Variants in PRKG1 observed in about 807,000 individuals in gnomAD.
PRKG1 encodes cGMP-dependent protein kinase 1.
Under a neutral mutation model 88.1 loss-of-function variants are expected in PRKG1, and 35 were observed. The ratio of observed to expected loss-of-function variants is 0.40; its 90% CI spans 0.30 to 0.53. The LOEUF (loss-of-function observed/expected upper bound fraction) is 0.53. Among genes scored for constraint, PRKG1 ranks in the 20% least tolerant of loss-of-function variants. The pLI, the probability that PRKG1 is intolerant of heterozygous loss-of-function variation, is 0.59. For missense variants in PRKG1, 540 were observed against 839.8 expected (o/e 0.64, Z 4.41); for synonymous variants, 303 against 292.5 (o/e 1.04, Z -0.37).
At chr10:52,086,841 C>T (rs547686082) in intron 7 of PRKG1, among the ~76,000 whole-genome samples, 44 of 152,180 alleles carry the variant, frequency 2.9e-4, no homozygotes, top group African/African-American at 1.0e-3. Context: ...CTCGCAGTTC[C>T]GCAGGGCTGG....
rs189161745 is a variant in PRKG1 at position 51,065,896 on chromosome 10, T to C, written c.266+74252T>C. 1.7e-3 allele frequency among the ~76,000 whole-genome samples: 258 copies of C among 152,234 alleles called. 1 individual carries two copies. The highest frequency in any genetic ancestry group is 5.5e-3 in the African/African-American group (229 of 41,558). On this transcript the variant is annotated intron_variant, in intron 1 of 17. Transcript: ENST00000401604. ...AGAATGCGTAATATATAATTATGCA[T>C]TGTGATAAAGTGCTTTTAGAAGGGA...
intron 3 of PRKG1, among the ~76,000 whole-genome samples, chr10:51,644,097 T>C (rs1174703602): frequency 6.6e-6 from 1 of 152,214 alleles, no homozygotes; most frequent in Non-Finnish European, 1.5e-5. Flanking sequence ...AATGCCAATA[T>C]CACACCTAAA....
At chr10:51,476,520 A>G (rs1395046107) in intron 3 of PRKG1, among the ~76,000 whole-genome samples, 1 of 152,044 alleles carries the variant, frequency 6.6e-6, no homozygotes, top group African/African-American at 2.4e-5. Flanking sequence ...GCAATACTTT[A>G]TTGACCTGAA....
chr10:51,039,018 G>T (rs945881066), intron 1 of PRKG1, among the ~76,000 whole-genome samples: 90 of 152,278 alleles, frequency 5.9e-4, no homozygotes, highest in African/African-American at 1.9e-3. Context: ...GATGTCAGCT[G>T]GCAATTTACT....
intron 2 of PRKG1, among the ~76,000 whole-genome samples, chr10:51,200,525 C>T (rs555578332): frequency 6.6e-6 from 1 of 152,270 alleles, no homozygotes; most frequent in Non-Finnish European, 1.5e-5. Context: ...GTTATCAGTA[C>T]ATTTATTGTC....
intron 3 of PRKG1, among the ~76,000 whole-genome samples, chr10:51,625,527 G>A (rs558687570): frequency 4.9e-4 from 74 of 152,104 alleles, no homozygotes; most frequent in Middle Eastern, 3.4e-3. Context: ...AAATAAATTC[G>A]TGGCTTACCA....
chr10:51,155,226 T>G (rs113222512), intron 2 of PRKG1, among the ~76,000 whole-genome samples: 5 of 152,068 alleles, frequency 3.3e-5, no homozygotes, highest in Non-Finnish European at 5.9e-5. Flanking sequence ...TGGACATTAT[T>G]TCTAAAATTT....
intron 3 of PRKG1, among the ~76,000 whole-genome samples, chr10:51,564,833 T>C (rs1261099866): frequency 2.0e-5 from 3 of 152,152 alleles, no homozygotes; most frequent in Non-Finnish European, 4.4e-5. Context: ...TGTAACTTTC[T>C]CTCATAATTG....
intron 3 of PRKG1, among the ~76,000 whole-genome samples, chr10:51,724,666 A>G (rs1208714238): frequency 6.6e-6 from 1 of 152,102 alleles, no homozygotes; most frequent in Non-Finnish European, 1.5e-5. Context: ...TTGGGATTAT[A>G]GGCAAGAGCC....
intron 2 of PRKG1, among the ~76,000 whole-genome samples, chr10:51,248,591 C>T (rs1839351882): frequency 6.6e-6 from 1 of 151,696 alleles, no homozygotes; most frequent in Non-Finnish European, 1.5e-5. Context: ...TTAGTTCATT[C>T]TCTTAATTTT....
intron 9 of PRKG1, among the ~76,000 whole-genome samples, chr10:52,166,833 A>G (rs1486751631): frequency 1.5e-4 from 5 of 34,054 alleles, no homozygotes; most frequent in South Asian, 4.9e-4. Context: ...ATATATGTAT[A>G]TATATGTATA....
intron 3 of PRKG1, among the ~76,000 whole-genome samples, chr10:51,729,594 C>T (rs559497637): frequency 1.3e-5 from 2 of 149,754 alleles, no homozygotes; most frequent in Admixed American, 6.7e-5. Context: ...GTAATCCCAG[C>T]TGCTCAGGAG....
intron 2 of PRKG1, among the ~76,000 whole-genome samples, chr10:51,455,298 C>T (rs1263969217): frequency 3.3e-5 from 5 of 152,228 alleles, no homozygotes; most frequent in African/African-American, 1.2e-4. Flanking sequence ...GGCCTCCAGG[C>T]CTGTGATGGG....
At chr10:52,024,314 TAA>T (rs1302312604) in intron 5 of PRKG1, among the ~76,000 whole-genome samples, 126 of 67,454 alleles carry the variant, frequency 1.9e-3, no homozygotes, top group African/African-American at 8.2e-3. Flanking sequence ...TTTATTTATT[TAA>T]CTTTTTTTTT....
At chr10:51,532,641 A>C (rs540371386) in intron 3 of PRKG1, among the ~76,000 whole-genome samples, 1 of 152,328 alleles carries the variant, frequency 6.6e-6, no homozygotes, top group East Asian at 1.9e-4. Context: ...TTGACTTCAC[A>C]AAAACACCAG....
intron 7 of PRKG1, among the ~76,000 whole-genome samples, chr10:52,113,457 G>T (rs1489379070): frequency 6.6e-6 from 1 of 151,870 alleles, no homozygotes; most frequent in Non-Finnish European, 1.5e-5. Flanking sequence ...GTAAGGGAAA[G>T]AAAATATCTG....
chr10:51,652,709 ATATC>A (rs1840069538), intron 3 of PRKG1, among the ~76,000 whole-genome samples: 1 of 152,204 alleles, frequency 6.6e-6, no homozygotes, highest in African/African-American at 2.4e-5. Flanking sequence ...GGTAATTAAC[ATATC>A]TATCATATCT....
chr10:51,242,427 A>C (rs568868229), intron 2 of PRKG1, among the ~76,000 whole-genome samples: 6 of 152,172 alleles, frequency 3.9e-5, no homozygotes, highest in African/African-American at 1.4e-4. Flanking sequence ...TAGTGAGAAG[A>C]AGCTGAAGCC....
chr10:51,971,643 C>G (rs1368722403), intron 5 of PRKG1, among the ~76,000 whole-genome samples: 2 of 152,048 alleles, frequency 1.3e-5, no homozygotes, highest in Non-Finnish European at 2.9e-5. Flanking sequence ...GTTGATATAT[C>G]TATCTTTTGT....
Sources: gnomAD v4.1 joint callset for allele counts (sites outside exome capture counted in the v4.1 genomes callset) on GRCh38, gnomAD v4.1.1 for gene constraint, MANE v1.5 for transcripts, NCBI Gene and HGNC (gene_info 2026-07-23, HGNC 2026-07-21) for gene names.